Variants in DAAM1 observed in about 807,000 individuals in gnomAD.
The protein encoded by DAAM1 is disheveled-associated activator of morphogenesis 1.
DAAM1 carries 52 observed loss-of-function variants against 130.0 expected under a neutral mutation model. The ratio of observed to expected loss-of-function variants is 0.40; its 90% CI spans 0.32 to 0.50. DAAM1 has a LOEUF of 0.50. Among genes scored for constraint, DAAM1 ranks in the 20% least tolerant of loss-of-function variants. The probability of loss-of-function intolerance (pLI) is 0.61; values close to 1 mark genes in which losing one functional copy is unlikely to be tolerated. For missense variants in DAAM1, 1,134 were observed against 1,303.8 expected (o/e 0.87, Z 2.01); for synonymous variants, 452 against 444.5 (o/e 1.02, Z -0.21).
intron 2 of DAAM1, among the ~76,000 whole-genome samples, chr14:59,269,300 G>A (rs983170837): frequency 2.6e-5 from 4 of 152,140 alleles, no homozygotes; most frequent in Admixed American, 2.6e-4. Flanking sequence ...TCACATTCCC[G>A]GCCTCTCTTC....
intron 1 of DAAM1, among the ~76,000 whole-genome samples, chr14:59,245,133 C>G (rs762809227): frequency 6.6e-6 from 1 of 152,156 alleles, no homozygotes; most frequent in Non-Finnish European, 1.5e-5. Flanking sequence ...TCTACTGTGT[C>G]TTCACGTGGA....
Position 59,297,862 on chromosome 14 carries a change from A to G in DAAM1, c.273+6556A>G, listed in dbSNP as rs548850400. ...CGTATATAGGGTTCAGTACTATCCA[A>G]TCTGAAGTTTCAGGCATCTACTGGG... On this transcript the variant is annotated intron_variant, in intron 3 of 24. Transcript: ENST00000360909. 3.3e-5 allele frequency among the ~76,000 whole-genome samples: 5 copies of G among 152,348 alleles called. No homozygotes were observed. The East Asian group carries it at 7.7e-4, about 23-fold the overall frequency.
chr14:59,311,580 C>A (rs1884597551), intron 3 of DAAM1, among the ~76,000 whole-genome samples: 1 of 151,466 alleles, frequency 6.6e-6, no homozygotes, highest in South Asian at 2.1e-4. Flanking sequence ...AGAAAACCTT[C>A]CCTTCTGTTA....
intron 22 of DAAM1, among the ~76,000 whole-genome samples, chr14:59,361,512 T>G (rs2139684403): frequency 6.6e-6 from 1 of 152,130 alleles, no homozygotes; most frequent in Admixed American, 6.5e-5. Context: ...GGAAAAGAAG[T>G]TGTTTGAGCT....
chr14:59,200,921 G>A (rs1234485366), intron 1 of DAAM1, among the ~76,000 whole-genome samples: 1 of 152,124 alleles, frequency 6.6e-6, no homozygotes, highest in Admixed American at 6.6e-5. Flanking sequence ...CAGCACTTTG[G>A]GAGGCCAAGG....
intron 23 of DAAM1, 70 bp downstream of exon 23, chr14:59,363,852 T>C: frequency 6.3e-7 from 1 of 1,592,702 alleles, no homozygotes. Context: ...TTTCAGTTAT[T>C]ATTCTGTACG....
intron 2 of DAAM1, chr14:59,264,769 T>A (rs1882353665): frequency 6.6e-6 from 1 of 152,170 alleles, no homozygotes; most frequent in Non-Finnish European, 1.5e-5. Context: ...ACCTAGGTAT[T>A]AAGCCCAGCA....
chr14:59,364,958 T>G (rs891924618), intron 23 of DAAM1, among the ~76,000 whole-genome samples: 1 of 152,200 alleles, frequency 6.6e-6, no homozygotes, highest in Non-Finnish European at 1.5e-5. Context: ...CTCACCACTT[T>G]AGAGTTTGTG....
At chr14:59,290,260 C>T (rs1372536266) in intron 2 of DAAM1, among the ~76,000 whole-genome samples, 1 of 152,036 alleles carries the variant, frequency 6.6e-6, no homozygotes, top group East Asian at 1.9e-4. Flanking sequence ...AATTACCTTC[C>T]TTTAGGGTTC....
chr14:59,189,289 C>T (rs773730796), intron 1 of DAAM1, among the ~76,000 whole-genome samples: 45 of 152,346 alleles, frequency 3.0e-4, no homozygotes, highest in Non-Finnish European at 4.7e-4. Flanking sequence ...GCAGAGCCCC[C>T]AGTGCCCCTG....
At chr14:59,263,085 A>G (rs763219613) in intron 1 of DAAM1, among the ~76,000 whole-genome samples, 33 of 152,350 alleles carry the variant, frequency 2.2e-4, no homozygotes, top group Non-Finnish European at 4.0e-4. Context: ...CAAGGAAGAG[A>G]AGGTCAGTCT....
intron 2 of DAAM1, among the ~76,000 whole-genome samples, chr14:59,276,730 C>T (rs565534937): frequency 6.0e-4 from 91 of 152,242 alleles, no homozygotes; most frequent in African/African-American, 1.9e-3. Context: ...GAACTCTGTA[C>T]ATTGAGTCAG....
intron 2 of DAAM1, among the ~76,000 whole-genome samples, chr14:59,289,783 T>TATATAA (rs966292211): frequency 7.4e-6 from 1 of 135,306 alleles, no homozygotes; most frequent in Non-Finnish European, 1.7e-5. Flanking sequence ...TATATATATA[T>TATATAA]AATGGAATGC....
chr14:59,360,357 T>A (rs1009247559), intron 21 of DAAM1, among the ~76,000 whole-genome samples: 1 of 152,230 alleles, frequency 6.6e-6, no homozygotes, highest in Non-Finnish European at 1.5e-5. Context: ...CTTGTAATAG[T>A]CATATTATTG....
intron 2 of DAAM1, among the ~76,000 whole-genome samples, chr14:59,266,616 T>G (rs996174585): frequency 2.0e-5 from 3 of 152,232 alleles, no homozygotes; most frequent in Non-Finnish European, 4.4e-5. Flanking sequence ...TCTGTCCTGG[T>G]AAGTGAAGGA....
intron 2 of DAAM1, among the ~76,000 whole-genome samples, chr14:59,283,531 A>T (rs935740072): frequency 6.6e-6 from 1 of 152,102 alleles, no homozygotes; most frequent in Non-Finnish European, 1.5e-5. Flanking sequence ...TTTGTGATGT[A>T]ACTGTTTACC....
chr14:59,353,787 G>T, intron 18 of DAAM1, 89 bp from the exon 19 acceptor site: 1 of 1,228,814 alleles, frequency 8.1e-7, no homozygotes, highest in Middle Eastern at 2.0e-4. Context: ...TGGGGGAGGT[G>T]CTTCTAGGTA....
intron 1 of DAAM1, among the ~76,000 whole-genome samples, chr14:59,233,009 G>A (rs1201861890): frequency 6.6e-6 from 1 of 152,148 alleles, no homozygotes. Context: ...TGGTGTGTAT[G>A]TACCACATTT....
At chr14:59,349,838 G>T (rs903900391) in intron 17 of DAAM1, among the ~76,000 whole-genome samples, 4 of 152,146 alleles carry the variant, frequency 2.6e-5, no homozygotes, top group South Asian at 2.1e-4. Context: ...CTCCTACTGT[G>T]CACTTTTAGG....
Sources: allele counts gnomAD v4.1 joint callset (sites outside exome capture counted in the v4.1 genomes callset), GRCh38; gene constraint gnomAD v4.1.1; transcripts MANE v1.5; gene names NCBI Gene and HGNC (gene_info 2026-07-23, HGNC 2026-07-21).